DHRS12: variants seen among roughly 807,000 people sequenced by gnomAD.
DHRS12 encodes the protein dehydrogenase/reductase SDR family member 12.
DHRS12 carries 29 observed loss-of-function variants against 32.1 expected under a neutral mutation model. The ratio of observed to expected loss-of-function variants is 0.90; its 90% CI spans 0.67 to 1.23. DHRS12 has a LOEUF of 1.23. Among genes scored for constraint, DHRS12 ranks in the 50% most tolerant of loss-of-function variants. The pLI, the probability that DHRS12 is intolerant of heterozygous loss-of-function variation, is 0.00. For synonymous variants in DHRS12, 150 were observed against 135.9 expected (o/e 1.10, Z -0.72); for missense variants, 330 against 337.2 (o/e 0.98, Z 0.17).
intron 4 of DHRS12, among the ~76,000 whole-genome samples, chr13:51,784,605 T>C (rs1424124716): frequency 6.6e-6 from 1 of 152,218 alleles, no homozygotes; most frequent in African/African-American, 2.4e-5. Context: ...TGTGCCTTTC[T>C]GGGAGCCTTG....
intron 4 of DHRS12, among the ~76,000 whole-genome samples, chr13:51,784,102 C>G (rs1264760054): frequency 1.3e-5 from 2 of 152,186 alleles, no homozygotes; most frequent in Non-Finnish European, 1.5e-5. Flanking sequence ...GACATTTGTA[C>G]AGAGTCAGGT....
chr13:51,768,710 C>A, intron 8 of DHRS12: 1 of 1,128,110 alleles, frequency 8.9e-7, no homozygotes, highest in Non-Finnish European at 1.1e-6. Flanking sequence ...CACTCACACG[C>A]CTGCCCCCTT....
At position 51,797,799 on chromosome 13, in the gene DHRS12, C is replaced by T. The variant is rs951229573; in HGVS notation, c.126+1735G>A. The T allele has an allele frequency of 2.3e-5, 36 of 1,533,592 alleles. No homozygotes were observed. The Admixed American group carries it at 6.7e-4, about 28-fold the overall frequency. The allele number at this position is 1,533,592 out of a possible 1,614,324, so 95.0% of individuals were successfully genotyped here. A position where few individuals can be genotyped will look rare whatever the true frequency, so the allele number is the denominator to read the frequency against. On this transcript the variant is annotated intron_variant, in intron 2 of 8. Coordinates refer to ENST00000444610, the MANE Select transcript of DHRS12 (RefSeq NM_001377533.1). The stretch of plus-strand genomic sequence containing the variant: ...AGCTGACCATGGAGGCAAGGAAACC[C>T]AGCAGGAGGGGTGAGGAGCTGCTCA...
intron 4 of DHRS12, among the ~76,000 whole-genome samples, chr13:51,783,302 C>T (rs1049513587): frequency 1.3e-5 from 2 of 152,088 alleles, no homozygotes; most frequent in African/African-American, 2.4e-5. Flanking sequence ...TCTGCCCCCA[C>T]CTCAAGCTGA....
intron 7 of DHRS12, chr13:51,771,201 G>A (rs1439904383): frequency 6.5e-7 from 1 of 1,550,220 alleles, no homozygotes; most frequent in Non-Finnish European, 8.7e-7. Context: ...TGGCGCCGCG[G>A]GTGCACCCTG....
rs1031894353 is a variant in DHRS12 at position 51,789,488 on chromosome 13, A to G, written c.301+523T>C. The G allele has an allele frequency of 1.5e-5, 14 of 952,408 alleles. No homozygotes were observed. The African/African-American group carries it at 2.5e-4, about 17-fold the overall frequency. 59.0% of individuals were successfully genotyped at this position (952,408 alleles called of 1,614,324 possible). A position where few individuals can be genotyped will look rare whatever the true frequency, so the allele number is the denominator to read the frequency against. ...GGGGAATCTAAGAATGTGCATGTCT[A>G]TCAAGTTCCCAGGTGATGCTGAGGC... On this transcript the variant is annotated intron_variant, in intron 4 of 8. Transcript: ENST00000444610.
intron 2 of DHRS12, among the ~76,000 whole-genome samples, chr13:51,796,720 A>T (rs904674639): frequency 6.6e-6 from 1 of 152,190 alleles, no homozygotes; most frequent in Non-Finnish European, 1.5e-5. Context: ...ACCGAAAGTT[A>T]TCAGCAGGCA....
chr13:51,759,849 GCAGAC>G, the DHRS12 span: 3 of 1,457,874 alleles, frequency 2.1e-6, no homozygotes, highest in Non-Finnish European at 2.9e-6. Flanking sequence ...GAGTGGTAAA[GCAGAC>G]ATGTGAGAAG....
At chr13:51,791,058 T>C in intron 3 of DHRS12, 107 bp downstream of exon 3, 1 of 718,456 alleles carries the variant, frequency 1.4e-6, no homozygotes, top group Non-Finnish European at 2.2e-6. Context: ...AGAGTCTTAC[T>C]AAGATTCTTC....
chr13:51,790,737 C>CT (rs1410575153), intron 3 of DHRS12, among the ~76,000 whole-genome samples: 1 of 152,138 alleles, frequency 6.6e-6, no homozygotes, highest in Non-Finnish European at 1.5e-5. Context: ...CACTGGGACT[C>CT]TTTCTATCTG....
chr13:51,783,147 T>A (rs76718222), intron 4 of DHRS12, among the ~76,000 whole-genome samples: 60 of 152,304 alleles, frequency 3.9e-4, no homozygotes, highest in African/African-American at 1.4e-3. Context: ...GATCTCTGAC[T>A]TCTGAGCTTG....
chr13:51,783,510 C>T lies in DHRS12; in HGVS notation c.302-6389G>A, dbSNP rs1399414653. 4.0e-5 allele frequency among the ~76,000 whole-genome samples: 6 copies of T among 151,840 alleles called. No homozygotes were observed. In the South Asian group the frequency reaches 6.3e-4, roughly 16 times the overall value. On this transcript the variant is annotated intron_variant, in intron 4 of 8. Transcript: ENST00000444610. The stretch of plus-strand genomic sequence containing the variant: ...TAACATAAAGTAAAATCTGTGCATG[C>T]GTGTGTGTGTGTACACAGTTCTGAA...
At chr13:51,769,557 C>T (rs1953918004) in intron 7 of DHRS12, among the ~76,000 whole-genome samples, 1 of 152,094 alleles carries the variant, frequency 6.6e-6, no homozygotes, top group South Asian at 2.1e-4. Context: ...GCACCCAGCC[C>T]AGCCCTGAGA....
Position 51,790,224 on chromosome 13 carries a change from G to T in DHRS12, c.220-132C>A, listed in dbSNP as rs76157480. 4,456 of 650,940 alleles carry T rather than the reference G, an allele frequency of 6.8e-3. 34 individuals carry two copies. Among genetic ancestry groups the T allele is most frequent in the South Asian group, 0.017 (758 of 45,282 alleles). 40.3% of individuals were successfully genotyped at this position (650,940 alleles called of 1,614,324 possible). ...AGTGACAATGACAATTTGCTCAACT[G>T]ATTCTTTACTCCAAACCCTTTGCAG... On this transcript the variant is annotated intron_variant, in intron 3 of 8. Transcript: ENST00000444610.
intron 1 of DHRS12, 165 bp downstream of exon 1, chr13:51,803,889 G>A (rs1955871928): frequency 3.6e-6 from 2 of 553,270 alleles, no homozygotes; most frequent in Non-Finnish European, 2.7e-6. Context: ...CCCACGCCCA[G>A]CCGTGGGTCG....
At chr13:51,800,445 G>T (rs536243832) in intron 1 of DHRS12, among the ~76,000 whole-genome samples, 1 of 152,224 alleles carries the variant, frequency 6.6e-6, no homozygotes, top group Non-Finnish European at 1.5e-5. Flanking sequence ...AAGGGCAGTG[G>T]TGGCAGAATG....
chr13:51,768,390 C>G, intron 8 of DHRS12, 94 bp from the exon 9 acceptor site: 1 of 1,512,672 alleles, frequency 6.6e-7, no homozygotes, highest in South Asian at 1.2e-5. Flanking sequence ...CCGACGCCTG[C>G]TGGAGTGGCA....
chr13:51,776,608 C>T, intron 5 of DHRS12: 1 of 184,932 alleles, frequency 5.4e-6, no homozygotes, highest in East Asian at 1.4e-4. Context: ...ATTATTCTGC[C>T]CACCACAGCA....
At chr13:51,803,148 TG>T (rs1368839246) in intron 1 of DHRS12, among the ~76,000 whole-genome samples, 3 of 152,150 alleles carry the variant, frequency 2.0e-5, no homozygotes, top group Non-Finnish European at 4.4e-5. Flanking sequence ...CAAAACGATG[TG>T]GGGTGAAGAG....
Sources: gnomAD v4.1 joint callset for allele counts (sites outside exome capture counted in the v4.1 genomes callset) on GRCh38, gnomAD v4.1.1 for gene constraint, MANE v1.5 for transcripts, NCBI Gene and HGNC (gene_info 2026-07-23, HGNC 2026-07-21) for gene names.